The following AEBP1 variants were observed in gnomAD, a reference collection of about 807,000 sequenced individuals.
The protein encoded by AEBP1 is AE binding protein 1.
In AEBP1, 69 loss-of-function variants were observed where a neutral mutation model predicts 116.5. That is an observed-to-expected ratio of 0.59 (90% CI 0.49 to 0.72). The LOEUF is 0.72. Among genes scored for constraint, AEBP1 ranks in the 30% least tolerant of loss-of-function variants. The pLI, the probability that AEBP1 is intolerant of heterozygous loss-of-function variation, is 0.00. For missense variants in AEBP1, 1,444 were observed against 1,557.5 expected (o/e 0.93, Z 1.23); for synonymous variants, 627 against 627.3 (o/e 1.00, Z 0.01).
rs1410670991 is a variant in AEBP1, at chr7:44,108,288, G to A, written c.940+204G>A. Among the ~76,000 whole-genome samples the A allele has an allele frequency of 3.9e-5, 6 of 152,024 alleles. No homozygotes were observed. The highest frequency in any genetic ancestry group is 2.1e-4 in the South Asian group (1 of 4,826). On this transcript the variant is annotated intron_variant, in intron 6 of 20. Coordinates refer to ENST00000223357, the MANE Select transcript of AEBP1 (RefSeq NM_001129.5). This position sits in a 1 kb window ranked among gnomAD's most constrained non-coding sequence, Gnocchi z 5.0. Reference sequence around the variant, plus strand: ...CCCTCAGGCTGGTCTTTCCTTGGCCGCTTCCCTGGTTCCTGCTTGGCTGTG... The same window carrying A: ...CCCTCAGGCTGGTCTTTCCTTGGCCACTTCCCTGGTTCCTGCTTGGCTGTG...
rs1410015659 is a variant in AEBP1 at position 44,106,735 on chromosome 7, A to C, written c.443A>C (p.Lys148Thr). Residue 148 changes from lysine (K) to threonine (T), a missense_variant, in exon 2 of 21, where the codon AAG becomes ACG. Physicochemically the swap from Lys to Thr is moderately conservative, Grantham distance 78. Transcript: ENST00000223357. ...ATKKPKEKPP[K>T]ATKKPKEKPP... ...AAGAAGCCCAAGGAGAAGCCACCCA[A>C]GGCCACCAAGAAGCCCAAAGAGAAG... 1.2e-6 allele frequency: 2 copies of C among 1,611,830 alleles called. No individual in the cohort carries two copies. The highest frequency in any genetic ancestry group is 2.7e-5 in the African/African-American group (2 of 74,482).
In AEBP1 at chr7:44,111,099, G is replaced by A. The variant is rs1329673085; in HGVS notation, c.1630+42G>A. 1.9e-6 allele frequency: 3 copies of A among 1,590,200 alleles called. No individual in the cohort carries two copies. The highest frequency in any genetic ancestry group is 1.7e-5 in the Admixed American group (1 of 58,504). ...GGCAGGGGCTCTGAGTGGAGGTGGG[G>A]TGCTAGGGTGGGCCAGCCGGCACCC... is the stretch of plus-strand genomic sequence containing the variant. On this transcript the variant is annotated intron_variant, in intron 13 of 20. Coordinates refer to ENST00000223357, the MANE Select transcript of AEBP1 (RefSeq NM_001129.5). The surrounding 1 kb of genome is among the most constrained non-coding windows in gnomAD (Gnocchi z 4.7).
intron 9 of AEBP1, 164 bp downstream of exon 9, chr7:44,109,505 C>T (rs1027979055): frequency 1.3e-6 from 1 of 795,994 alleles, no homozygotes; most frequent in Non-Finnish European, 1.9e-6. Flanking sequence ...AGGATAGCCT[C>T]GCTTGGCTGC....
rs772568009 is a variant in AEBP1 at position 44,112,147 on chromosome 7, A to G, written c.2043A>G (p.Ser681=). ...DGYEVAAQMG[S]EFGNWALGLW... is the part of the protein sequence containing the mutation. ...ACCCTGCTGGCTCCCCACAGGGCTC[A>G]GAGTTTGGGAACTGGGCGCTGGGAC... The change falls in exon 17 of 21, where the codon TCA becomes TCG. Residue 681 remains serine, a synonymous_variant. Transcript: ENST00000223357. This position sits in a 1 kb window ranked among gnomAD's most constrained non-coding sequence, Gnocchi z 6.6. The G allele has an allele frequency of 1.9e-6, 3 of 1,598,228 alleles. No homozygotes were observed. The highest frequency in any genetic ancestry group is 2.6e-6 in the Non-Finnish European group (3 of 1,168,452).
Position 44,106,612 on chromosome 7 carries a change from A to G in AEBP1, c.320A>G (p.Lys107Arg), listed in dbSNP as rs1022982321. The change falls in exon 2 of 21, where the codon AAG becomes AGG. Residue 107 changes from lysine to arginine, a missense_variant. Lys to Arg is a conservative substitution (Grantham distance 26, BLOSUM62 2). Coordinates refer to ENST00000223357, the MANE Select transcript of AEBP1 (RefSeq NM_001129.5). ...AAAGACAAAGGCCCCAAGGTGCCCA[A>G]GGAGTCCTTGGAGGGGTCCCCCAGG... The part of the protein sequence containing the change: ...GKKDKGPKVP[K>R]ESLEGSPRPP... The G allele has an allele frequency of 1.2e-6, 2 of 1,612,432 alleles. No individual in the cohort carries two copies. Among genetic ancestry groups the G allele is most frequent in the Non-Finnish European group, 1.7e-6 (2 of 1,179,644 alleles).
In AEBP1 at chr7:44,110,046, T is replaced by C. The variant is rs779638234; in HGVS notation, c.1182T>C (p.Arg394=). 5.0e-6 allele frequency: 8 copies of C among 1,612,942 alleles called. No individual in the cohort carries two copies. The highest frequency in any genetic ancestry group is 6.8e-6 in the Non-Finnish European group (8 of 1,179,968). Residue 394 remains arginine, a synonymous_variant, in exon 10 of 21, where the codon CGT becomes CGC. Coordinates refer to ENST00000223357, the MANE Select transcript of AEBP1 (RefSeq NM_001129.5). ...CCCCCATTGGGATGGAGTCACACCG[T>C]ATTGAGGACAACCAGATCCGAGCCT... ...KCPPIGMESH[R]IEDNQIRASS...
At chr7:44,106,517 C>G (rs1332675093) in intron 1 of AEBP1, 29 bp from the exon 2 acceptor site, 2 of 1,556,118 alleles carry the variant, frequency 1.3e-6, no homozygotes, top group Admixed American at 4.3e-5. Context: ...TGGCTCTGTT[C>G]ATTTGACACG....
Position 44,112,853 on chromosome 7 carries a change from A to T in AEBP1, c.2513A>T (p.Asp838Val), listed in dbSNP as rs1380578814. 3 of 1,612,354 alleles carry T rather than the reference A, an allele frequency of 1.9e-6. No homozygotes were observed. The Admixed American group carries it at 5.0e-5, about 27-fold the overall frequency. Residue 838 changes from aspartate (D) to valine (V), a missense_variant, in exon 18 of 21, where the codon GAC (aspartate) becomes GTC (valine). By Grantham distance (152) the Asp-to-Val change is radical. Transcript: ENST00000223357. This position sits in a 1 kb window ranked among gnomAD's most constrained non-coding sequence, Gnocchi z 6.6. ...EPYRGGCQAQ[D>V]YTGGMGIVNG... ...TACCGCGGAGGCTGCCAAGCCCAGGACTACACCGGCGGCATGGGCATCGTC... is the reference window on the plus strand; with the variant it reads ...TACCGCGGAGGCTGCCAAGCCCAGGTCTACACCGGCGGCATGGGCATCGTC...
At position 44,104,862 on chromosome 7, in the gene AEBP1, T is replaced by C; in HGVS notation, c.197T>C (p.Val66Ala). Reference protein sequence around the residue: ...APPPPEPTPRVRKAQAGGKPG... With the variant: ...APPPPEPTPRARKAQAGGKPG... ...CCGCCTCCCGAGCCCACCCCGCGGG[T>C]CCGAAAAGCCCAGGCGGGGGGCAAG... The change falls in exon 1 of 21, where the codon GTC becomes GCC. Residue 66 changes from valine to alanine, a missense_variant. Coordinates refer to ENST00000223357, the MANE Select transcript of AEBP1 (RefSeq NM_001129.5). The C allele has an allele frequency of 6.4e-7, 1 of 1,571,054 alleles. No homozygotes were observed. The highest frequency in any genetic ancestry group is 8.6e-7 in the Non-Finnish European group (1 of 1,159,060).
rs1233540712 is a variant in AEBP1, at chr7:44,114,372, G to A, written c.*111G>A. On this transcript the variant is annotated 3_prime_UTR_variant, in exon 21 of 21. Coordinates refer to ENST00000223357, the MANE Select transcript of AEBP1 (RefSeq NM_001129.5). The stretch of plus-strand genomic sequence containing the variant: ...TCAGCACATGGAAGGCCCCTGGTAT[G>A]GACACTGAAAGGAAGGGCTGGTCCT... 14 of 1,238,134 alleles carry A rather than the reference G, an allele frequency of 1.1e-5. No homozygotes were observed. The highest frequency in any genetic ancestry group is 1.4e-5 in the South Asian group (1 of 71,806). The allele number at this position is 1,238,134 out of a possible 1,614,324, so 76.7% of individuals were successfully genotyped here.
intron 1 of AEBP1, among the ~76,000 whole-genome samples, chr7:44,105,665 C>T (rs1170665085): frequency 6.6e-6 from 1 of 151,776 alleles, no homozygotes; most frequent in African/African-American, 2.4e-5. Context: ...GCTGCCTGTG[C>T]CCCTCCTGCC....
In AEBP1 at chr7:44,111,782, G is replaced by A; in HGVS notation, c.1841-72G>A. The A allele has an allele frequency of 6.5e-7, 1 of 1,541,818 alleles. No individual in the cohort carries two copies. Among genetic ancestry groups the A allele is most frequent in the African/African-American group, 1.4e-5 (1 of 73,358 alleles). ...TCCCCCAGACCCTCGGGTATGAGGT[G>A]GGTCTGGGTCCTTCCTCAGCTGCCC... is the stretch of plus-strand genomic sequence containing the variant. On this transcript the variant is annotated intron_variant, in intron 15 of 20. Transcript: ENST00000223357. This position sits in a 1 kb window ranked among gnomAD's most constrained non-coding sequence, Gnocchi z 4.7.
chr7:44,110,647 C>T, intron 11 of AEBP1, 78 bp from the exon 12 acceptor site: 5 of 1,316,546 alleles, frequency 3.8e-6, no homozygotes, highest in Non-Finnish European at 5.2e-6. Flanking sequence ...ATTCTTGGGG[C>T]TCGGAAGAGG....
In AEBP1 at chr7:44,110,240, G is replaced by A; in HGVS notation, c.1294G>A (p.Ala432Thr). 1.2e-6 allele frequency: 2 copies of A among 1,613,796 alleles called. No homozygotes were observed. Among genetic ancestry groups the A allele is most frequent in the Non-Finnish European group, 8.5e-7 (1 of 1,180,032 alleles). ...CACTGAGGACGACTACTATGATGGTGCGTGGTGTGCCGAGGACGATGCCAG... is the reference window on the plus strand; with the variant it reads ...CACTGAGGACGACTACTATGATGGTACGTGGTGTGCCGAGGACGATGCCAG... ...GATEDDYYDG[A>T]WCAEDDARTQ... is the part of the protein sequence containing the mutation. The change falls in exon 11 of 21, where the codon GCG becomes ACG. Residue 432 changes from alanine (A) to threonine (T), a missense_variant. Ala to Thr is a moderately conservative substitution (Grantham distance 58). Coordinates refer to ENST00000223357, the MANE Select transcript of AEBP1 (RefSeq NM_001129.5).
intron 9 of AEBP1, chr7:44,109,766 T>C (rs1423148637): frequency 3.4e-6 from 2 of 581,744 alleles, no homozygotes; most frequent in East Asian, 2.9e-5. Flanking sequence ...GGTCAGCCCG[T>C]TCTCCAGATG....
In AEBP1 at chr7:44,111,309, TTC is replaced by T; in HGVS notation, c.1716+72_1716+73del. 1 of 1,440,398 alleles carries T rather than the reference TTC, an allele frequency of 6.9e-7. No homozygotes were observed. Among genetic ancestry groups the T allele is most frequent in the Non-Finnish European group, 9.2e-7 (1 of 1,084,264 alleles). 89.2% of individuals were successfully genotyped at this position (1,440,398 alleles called of 1,614,324 possible). ...GCTGACGGGAGTGTGTGCCTGGTGC[TTC>T]TGTCACTGGGCCCAGTCCCTACTGG... On this transcript the variant is annotated intron_variant, in intron 14 of 20. Transcript: ENST00000223357. The surrounding 1 kb of genome is among the most constrained non-coding windows in gnomAD (Gnocchi z 4.7).
intron 9 of AEBP1, chr7:44,109,796 A>G: frequency 1.7e-6 from 1 of 591,572 alleles, no homozygotes; most frequent in Non-Finnish European, 3.0e-6. Flanking sequence ...AGGCCCAGGG[A>G]GGGGAAGCAC....
chr7:44,111,662 C>T lies in AEBP1; in HGVS notation c.1840+32C>T, dbSNP rs2096229570. 5.0e-6 allele frequency: 8 copies of T among 1,608,716 alleles called. No homozygotes were observed. In the South Asian group the frequency reaches 8.8e-5, roughly 18 times the overall value. ...GTCTGTGGGGGCCAGCAGCTGGCCT[C>T]TGCTGCTGATGTGCAGAGCTCACTG... On this transcript the variant is annotated intron_variant, in intron 15 of 20. Coordinates refer to ENST00000223357, the MANE Select transcript of AEBP1 (RefSeq NM_001129.5). This position sits in a 1 kb window ranked among gnomAD's most constrained non-coding sequence, Gnocchi z 4.7.
rs1182596179 is a variant in AEBP1 at position 44,107,128 on chromosome 7, C to T, written c.595+241C>T. On this transcript the variant is annotated intron_variant, in intron 2 of 20. Transcript: ENST00000223357. The surrounding 1 kb of genome is among the most constrained non-coding windows in gnomAD (Gnocchi z 4.3). The stretch of plus-strand genomic sequence containing the variant: ...TGGGTGGGACCTCTGTCCCTCAGGC[C>T]CCTGCCCAGATGTCCCTGGGCTCTG... Among the ~76,000 whole-genome samples, 5 of 152,208 alleles carry T rather than the reference C, an allele frequency of 3.3e-5. No homozygotes were observed. The East Asian group carries it at 9.6e-4, about 29-fold the overall frequency.
Sources: allele counts gnomAD v4.1 joint callset (sites outside exome capture counted in the v4.1 genomes callset), GRCh38; gene constraint gnomAD v4.1.1; non-coding constraint Gnocchi (gnomAD v3.1); transcripts MANE v1.5; gene names NCBI Gene and HGNC (gene_info 2026-07-23, HGNC 2026-07-21).